The following CSRNP3 variants were observed in gnomAD, a reference collection of about 807,000 sequenced individuals.
CSRNP3 encodes cysteine and serine rich nuclear protein 3, also known as cysteine/serine-rich nuclear protein 3.
CSRNP3 carries 12 observed loss-of-function variants against 48.0 expected under a neutral mutation model. The observed-to-expected ratio is 0.25, with a 90% CI of 0.16 to 0.41. The LOEUF (loss-of-function observed/expected upper bound fraction) is 0.41. Ranked by LOEUF, CSRNP3 falls within the 10% of genes least tolerant of loss-of-function variation. The pLI is 1.00. For synonymous variants in CSRNP3, 263 were observed against 269.7 expected, an observed-to-expected ratio of 0.98 and a Z score of 0.24; for missense variants, 580 against 724.4, an observed-to-expected ratio of 0.80 and a Z score of 2.29.
Position 165,679,439 on chromosome 2 carries a change from C to A in CSRNP3, c.1444C>A (p.Arg482=). The change falls in exon 7 of 7, where the codon CGA becomes AGA. Residue 482 remains arginine, a synonymous_variant. Transcript: ENST00000651982. ...CCCGGAGCAATTCGTTGACTATGCC[C>A]GACAAGCAGAAGAGGCCTATGGTGC... ...MTPEQFVDYA[R]QAEEAYGASH... The A allele has an allele frequency of 6.2e-7, 1 of 1,612,874 alleles. No homozygotes were observed.
intron 4 of CSRNP3, among the ~76,000 whole-genome samples, chr2:165,609,859 G>T (rs747576046): frequency 6.6e-5 from 10 of 152,154 alleles, no homozygotes; most frequent in Non-Finnish European, 1.0e-4. Context: ...GATGTAGGCA[G>T]ATCATGTAAC....
Position 165,485,981 on chromosome 2 carries a change from C to T in CSRNP3, c.-282-8778C>T, listed in dbSNP as rs1460789535. ...TAGGAACAGCTCTGGTCTACAGCTC[C>T]CAGCGTGAGCGACGCAGAAGACGGG... On this transcript the variant is annotated intron_variant, in intron 1 of 6. Transcript: ENST00000651982. Among the ~76,000 whole-genome samples, 7 of 152,124 alleles carry T rather than the reference C, an allele frequency of 4.6e-5. No homozygotes were observed. The South Asian group carries it at 1.4e-3, about 32-fold the overall frequency.
intron 1 of CSRNP3, among the ~76,000 whole-genome samples, chr2:165,489,286 G>A (rs1189080490): frequency 1.0e-3 from 154 of 149,334 alleles, no homozygotes; most frequent in Middle Eastern, 3.4e-3. Context: ...AACAGGAGCT[G>A]AAATTGTGGC....
At chr2:165,603,096 C>T (rs754923785) in intron 4 of CSRNP3, among the ~76,000 whole-genome samples, 7 of 151,986 alleles carry the variant, frequency 4.6e-5, no homozygotes, top group East Asian at 1.9e-4. Flanking sequence ...GGGGCTTCAC[C>T]GTGTTAGCCA....
At chr2:165,529,671 C>G (rs2175990) in intron 3 of CSRNP3, among the ~76,000 whole-genome samples, 2 of 151,754 alleles carry the variant, frequency 1.3e-5, no homozygotes, top group Non-Finnish European at 2.9e-5. Context: ...TTCAAACCGG[C>G]GTGGATGTAT....
At chr2:165,486,383 TG>T (rs1330915161) in intron 1 of CSRNP3, among the ~76,000 whole-genome samples, 4 of 150,854 alleles carry the variant, frequency 2.7e-5, no homozygotes, top group African/African-American at 9.7e-5. Flanking sequence ...CGCCCGCCAT[TG>T]CCCAGGCTTG....
rs953855937 is a variant in CSRNP3 at position 165,685,581 on chromosome 2, CTTG to C, written c.*5833_*5835del. 7 of 152,082 alleles carry C rather than the reference CTTG, an allele frequency of 4.6e-5. No individual in the cohort carries two copies. The highest frequency in any genetic ancestry group is 2.0e-4 in the Admixed American group (3 of 15,238). 9.4% of individuals were successfully genotyped at this position (152,082 alleles called of 1,614,324 possible). ...CCTGGAATTTTAGTAAATACAGATA[CTTG>C]TTGTATCCATGGGAAATGAGGTCAT... On this transcript the variant is annotated 3_prime_UTR_variant, in exon 7 of 7. Transcript: ENST00000651982.
chr2:165,479,882 CAAA>C (rs574763160), intron 1 of CSRNP3, among the ~76,000 whole-genome samples: 2 of 127,138 alleles, frequency 1.6e-5, no homozygotes, highest in Non-Finnish European at 1.7e-5. Flanking sequence ...AGACCAGTCT[CAAA>C]AAAAAAAAAA....
chr2:165,500,443 G>GTGTATATA (rs1684343968), intron 2 of CSRNP3, among the ~76,000 whole-genome samples: 1 of 142,834 alleles, frequency 7.0e-6, no homozygotes, highest in African/African-American at 2.6e-5. Flanking sequence ...ACACACACGT[G>GTGTATATA]TATATATATA....
chr2:165,635,785 T>G (rs998092634), intron 4 of CSRNP3, among the ~76,000 whole-genome samples: 51 of 152,308 alleles, frequency 3.3e-4, no homozygotes, highest in Non-Finnish European at 1.3e-4. Context: ...AGGCCAGAAC[T>G]ACACAATTCT....
At chr2:165,527,841 T>G (rs1014589148) in intron 3 of CSRNP3, among the ~76,000 whole-genome samples, 3 of 150,664 alleles carry the variant, frequency 2.0e-5, no homozygotes, top group Non-Finnish European at 4.4e-5. Context: ...ATCCACAAAT[T>G]AATGAGAAGA....
At chr2:165,545,813 AAAT>A (rs1409588179) in intron 3 of CSRNP3, among the ~76,000 whole-genome samples, 1 of 152,218 alleles carries the variant, frequency 6.6e-6, no homozygotes, top group Non-Finnish European at 1.5e-5. Context: ...TTTTTAAATT[AAAT>A]AATAAACATT....
chr2:165,549,549 T>TTA, intron 3 of CSRNP3, among the ~76,000 whole-genome samples: 1 of 152,226 alleles, frequency 6.6e-6, no homozygotes. Context: ...TAGCTCTCAA[T>TTA]TATATATAAC....
chr2:165,476,250 A>G (rs1683961495), intron 1 of CSRNP3, among the ~76,000 whole-genome samples: 1 of 152,146 alleles, frequency 6.6e-6, no homozygotes, highest in African/African-American at 2.4e-5. Context: ...TCTAAGCCGT[A>G]ATGCCTGGTA....
chr2:165,470,389 C>T (rs1053187724), intron 1 of CSRNP3, among the ~76,000 whole-genome samples: 4 of 152,028 alleles, frequency 2.6e-5, no homozygotes, highest in Non-Finnish European at 4.4e-5. Context: ...TTTGTCTCTA[C>T]TTGTTAACTT....
At chr2:165,595,236 A>C in intron 4 of CSRNP3, 23 bp downstream of exon 4, 1 of 1,587,112 alleles carries the variant, frequency 6.3e-7, no homozygotes. Context: ...ATCAGAACCG[A>C]AGTCAATTGT....
In CSRNP3 at chr2:165,672,871, G is replaced by A. The variant is rs141406037; in HGVS notation, c.409-3441G>A. On this transcript the variant is annotated intron_variant, in intron 5 of 6. Coordinates refer to ENST00000651982, the MANE Select transcript of CSRNP3 (RefSeq NM_001172173.2). ...GGCACAGACTGGAAGAAAAGACTGG[G>A]GAAGGACTTCAAGGGGATAGCAGGG... is the stretch of plus-strand genomic sequence containing the variant. 8.5e-3 allele frequency among the ~76,000 whole-genome samples: 1,294 copies of A among 152,248 alleles called. 7 individuals are homozygous for A. Among genetic ancestry groups the A allele is most frequent in the Middle Eastern group, 0.02 (6 of 294 alleles).
At chr2:165,492,724 T>TAAAAAAAAAAAAAAAAAAA in intron 1 of CSRNP3, among the ~76,000 whole-genome samples, 1 of 110,182 alleles carries the variant, frequency 9.1e-6, no homozygotes, top group Non-Finnish European at 1.8e-5. Context: ...ACTATTAGAG[T>TAAAAAAAAAAAAAAAAAAA]AAAAAAAAAA....
At chr2:165,508,432 A>C (rs944944372) in intron 2 of CSRNP3, among the ~76,000 whole-genome samples, 1 of 152,118 alleles carries the variant, frequency 6.6e-6, no homozygotes, top group Non-Finnish European at 1.5e-5. Flanking sequence ...GGATATCATC[A>C]TACCACAGAC....
Sources: gnomAD v4.1 joint callset for allele counts (sites outside exome capture counted in the v4.1 genomes callset) on GRCh38, gnomAD v4.1.1 for gene constraint, MANE v1.5 for transcripts, NCBI Gene and HGNC (gene_info 2026-07-23, HGNC 2026-07-21) for gene names.